Variants in RSPO2 observed in about 807,000 individuals in gnomAD.
RSPO2 encodes the protein R-spondin-2.
Under a neutral mutation model 30.9 loss-of-function variants are expected in RSPO2, and 14 were observed. That is an observed-to-expected ratio of 0.45 (90% CI 0.30 to 0.71). The LOEUF (loss-of-function observed/expected upper bound fraction) is 0.71, where lower values mean the gene tolerates loss of function less well. Among genes scored for constraint, RSPO2 ranks in the 30% least tolerant of loss-of-function variants. RSPO2 has a pLI of 0.08. For missense variants in RSPO2, 264 were observed against 301.9 expected, an observed-to-expected ratio of 0.87 and a Z score of 0.93; for synonymous variants, 107 against 96.4, an observed-to-expected ratio of 1.11 and a Z score of -0.64.
intron 2 of RSPO2, among the ~76,000 whole-genome samples, chr8:107,990,369 A>G (rs1301797793): frequency 6.6e-6 from 1 of 152,194 alleles, no homozygotes; most frequent in Non-Finnish European, 1.5e-5. Context: ...TCAGGATACA[A>G]AATCAACATG....
chr8:108,068,276 T>A (rs72682225), intron 2 of RSPO2, among the ~76,000 whole-genome samples: 6,171 of 152,294 alleles, frequency 0.041, 170 homozygotes, highest in Middle Eastern at 0.065. Flanking sequence ...CCAAACACCG[T>A]ACACTTATAA....
chr8:108,035,723 G>A (rs751920745), intron 2 of RSPO2, among the ~76,000 whole-genome samples: 5 of 151,732 alleles, frequency 3.3e-5, no homozygotes, highest in Non-Finnish European at 4.4e-5. Context: ...TGCCTGCCTC[G>A]GCCTCCCAAA....
chr8:107,980,553 T>C (rs1814390873), intron 3 of RSPO2, among the ~76,000 whole-genome samples: 1 of 152,228 alleles, frequency 6.6e-6, no homozygotes, highest in Admixed American at 6.5e-5. Context: ...TTAGAGCATT[T>C]CTGGTTTAAG....
chr8:107,927,192 G>T (rs901295479), intron 5 of RSPO2, among the ~76,000 whole-genome samples: 16 of 151,960 alleles, frequency 1.1e-4, no homozygotes, highest in Admixed American at 1.1e-3. Context: ...ATTTTGCTCT[G>T]TGTTTGTCTG....
intron 5 of RSPO2, among the ~76,000 whole-genome samples, chr8:107,919,040 C>A (rs1038052337): frequency 6.6e-6 from 1 of 152,014 alleles, no homozygotes; most frequent in South Asian, 2.1e-4. Flanking sequence ...CTATAGATAA[C>A]AATACTAACA....
At chr8:107,977,456 T>G (rs1187604206) in intron 3 of RSPO2, among the ~76,000 whole-genome samples, 1 of 152,178 alleles carries the variant, frequency 6.6e-6, no homozygotes, top group East Asian at 1.9e-4. Flanking sequence ...TTCATTCTAA[T>G]ATGAAGAGGT....
chr8:107,964,706 T>TG (rs769884588), intron 3 of RSPO2, among the ~76,000 whole-genome samples: 4 of 152,048 alleles, frequency 2.6e-5, no homozygotes, highest in African/African-American at 7.2e-5. Flanking sequence ...TTGCAGGGGG[T>TG]GGGGGGAACT....
intron 3 of RSPO2, among the ~76,000 whole-genome samples, chr8:107,970,804 GC>G (rs1033719730): frequency 2.6e-5 from 4 of 152,338 alleles, no homozygotes; most frequent in Admixed American, 2.6e-4. Context: ...ATTTTACGAA[GC>G]CATATGTTTG....
At chr8:108,081,866 C>A in intron 2 of RSPO2, 5 of 982,650 alleles carry the variant, frequency 5.1e-6, no homozygotes, top group Non-Finnish European at 6.0e-6. Context: ...TAAAAACAAA[C>A]CTCTGGAGGC....
intron 2 of RSPO2, among the ~76,000 whole-genome samples, chr8:108,071,513 T>C (rs1253090820): frequency 6.6e-6 from 1 of 152,222 alleles, no homozygotes; most frequent in Non-Finnish European, 1.5e-5. Context: ...AATTGCACTA[T>C]GCTGGGTGAA....
chr8:108,044,363 G>T (rs1811846264), intron 2 of RSPO2, among the ~76,000 whole-genome samples: 1 of 151,960 alleles, frequency 6.6e-6, no homozygotes, highest in African/African-American at 2.4e-5. Flanking sequence ...GTACCCAACA[G>T]GTAATTTTTC....
chr8:108,031,016 T>C (rs545275706), intron 2 of RSPO2, among the ~76,000 whole-genome samples: 44 of 152,338 alleles, frequency 2.9e-4, no homozygotes, highest in African/African-American at 1.0e-3. Flanking sequence ...TCAAGATGAC[T>C]ACTTTATACA....
At position 108,083,565 on chromosome 8, in the gene RSPO2, G is replaced by A. The variant is rs1252272960; in HGVS notation, c.-538C>T. ...TGTAGAAGGCAGAACGCTCTCGGGA[G>A]GACGAAGTGATCCGAAGGGATGTGG... is the stretch of plus-strand genomic sequence containing the variant. On this transcript the variant is annotated 5_prime_UTR_variant, in exon 1 of 6. Transcript: ENST00000276659. 6.6e-6 allele frequency: 1 copy of A among 152,308 alleles called. No homozygotes were observed. Among genetic ancestry groups the A allele is most frequent in the Non-Finnish European group, 1.5e-5 (1 of 68,102 alleles). The allele number at this position is 152,308 out of a possible 1,614,324, so 9.4% of individuals were successfully genotyped here.
chr8:107,998,079 G>T (rs190932963), intron 2 of RSPO2, among the ~76,000 whole-genome samples: 1 of 152,092 alleles, frequency 6.6e-6, no homozygotes, highest in Non-Finnish European at 1.5e-5. Flanking sequence ...GTCAAATAAT[G>T]TTGCAAGTTC....
intron 2 of RSPO2, among the ~76,000 whole-genome samples, chr8:108,041,267 A>G (rs1586651332): frequency 6.6e-6 from 1 of 151,170 alleles, no homozygotes; most frequent in Non-Finnish European, 1.5e-5. Flanking sequence ...AAGTAATTGG[A>G]CAAAGAAAAG....
At chr8:107,962,292 A>C (rs655813) in intron 3 of RSPO2, among the ~76,000 whole-genome samples, 75,015 of 151,628 alleles carry the variant, frequency 0.49, 21,222 homozygotes, top group East Asian at 0.69. Context: ...GCTAAAAACA[A>C]ATTTCATTAA....
intron 5 of RSPO2, among the ~76,000 whole-genome samples, chr8:107,939,652 C>G (rs374923704): frequency 1.4e-4 from 21 of 151,844 alleles, no homozygotes; most frequent in African/African-American, 4.6e-4. Flanking sequence ...TACTGACCCC[C>G]ATAAAGCACC....
chr8:107,944,183 C>T (rs1468979092), intron 5 of RSPO2, among the ~76,000 whole-genome samples: 1 of 152,052 alleles, frequency 6.6e-6, no homozygotes, highest in African/African-American at 2.4e-5. Context: ...ATTAAGATTG[C>T]ATTAATGACT....
At chr8:107,939,843 G>A (rs1252453046) in intron 5 of RSPO2, among the ~76,000 whole-genome samples, 1 of 151,982 alleles carries the variant, frequency 6.6e-6, no homozygotes, top group Non-Finnish European at 1.5e-5. Flanking sequence ...CAAGTAAAAT[G>A]CCTATTTTAG....
Sources: gnomAD v4.1 joint callset for allele counts (sites outside exome capture counted in the v4.1 genomes callset) on GRCh38, gnomAD v4.1.1 for gene constraint, MANE v1.5 for transcripts, NCBI Gene and HGNC (gene_info 2026-07-23, HGNC 2026-07-21) for gene names.